KCNQ4: variants seen among roughly 807,000 people sequenced by gnomAD.
KCNQ4 encodes potassium voltage-gated channel subfamily Q member 4.
Under a neutral mutation model 72.6 loss-of-function variants are expected in KCNQ4, and 31 were observed. The ratio of observed to expected loss-of-function variants is 0.43; its 90% CI spans 0.32 to 0.58. KCNQ4 has a LOEUF of 0.58. KCNQ4 is among the 20% of genes least tolerant of loss of function. KCNQ4 has a pLI of 0.08. For missense variants in KCNQ4, 869 were observed against 962.6 expected, an observed-to-expected ratio of 0.90 and a Z score of 1.29; for synonymous variants, 405 against 403.7, an observed-to-expected ratio of 1.00 and a Z score of -0.04.
intron 10 of KCNQ4, 127 bp downstream of exon 10, chr1:40,831,431 C>A: frequency 1.4e-6 from 1 of 723,814 alleles, no homozygotes; most frequent in Non-Finnish European, 2.4e-6. Flanking sequence ...CGTCTTTGGG[C>A]TCTGGTCTTC....
At chr1:40,827,657 C>T (rs1414363359) in intron 9 of KCNQ4, among the ~76,000 whole-genome samples, 2 of 152,178 alleles carry the variant, frequency 1.3e-5, no homozygotes, top group Non-Finnish European at 2.9e-5. Flanking sequence ...AGTGGCAGGG[C>T]TCCTGGCTGC....
At chr1:40,792,280 C>G (rs1007398577) in intron 1 of KCNQ4, among the ~76,000 whole-genome samples, 3 of 152,196 alleles carry the variant, frequency 2.0e-5, no homozygotes, top group African/African-American at 7.2e-5. Flanking sequence ...TCGCTACTGC[C>G]CGTCTTGGCC....
At position 40,794,666 on chromosome 1, in the gene KCNQ4, C is replaced by T. The variant is rs1188389308; in HGVS notation, c.314+10259C>T. Among the ~76,000 whole-genome samples the T allele has an allele frequency of 6.6e-6, 1 of 152,182 alleles. No individual in the cohort carries two copies. Among genetic ancestry groups the T allele is most frequent in the African/African-American group, 2.4e-5 (1 of 41,432 alleles). ...AGCTAAATTTATTCCACTTAAAGGA[C>T]TGTCTTTTAGTATGAGATGATGTCC... On this transcript the variant is annotated intron_variant, in intron 1 of 13. Coordinates refer to ENST00000347132, the MANE Select transcript of KCNQ4 (RefSeq NM_004700.4). The surrounding 1 kb of genome is among the most constrained non-coding windows in gnomAD (Gnocchi z 4.2).
At chr1:40,810,898 G>A (rs1279305082) in intron 1 of KCNQ4, among the ~76,000 whole-genome samples, 1 of 152,222 alleles carries the variant, frequency 6.6e-6, no homozygotes, top group Admixed American at 6.5e-5. Context: ...TTGGGCTCAG[G>A]TCCTGCGCTT....
At chr1:40,801,126 A>AG (rs1196358863) in intron 1 of KCNQ4, among the ~76,000 whole-genome samples, 1 of 92,442 alleles carries the variant, frequency 1.1e-5, no homozygotes, top group Non-Finnish European at 2.2e-5. Flanking sequence ...AGTGGACTGG[A>AG]GGTGGGGATA....
At chr1:40,828,170 G>A (rs1648539454) in intron 9 of KCNQ4, among the ~76,000 whole-genome samples, 1 of 152,044 alleles carries the variant, frequency 6.6e-6, no homozygotes, top group Non-Finnish European at 1.5e-5. Flanking sequence ...AGATCATGAG[G>A]CCCTAAAGAA....
intron 4 of KCNQ4, 137 bp downstream of exon 4, chr1:40,818,817 A>C: frequency 1.0e-6 from 1 of 983,384 alleles, no homozygotes; most frequent in Non-Finnish European, 1.5e-6. Flanking sequence ...TTGGAGCCCT[A>C]GCAGGAGGCG....
At chr1:40,792,882 G>A (rs888433844) in intron 1 of KCNQ4, among the ~76,000 whole-genome samples, 1 of 152,136 alleles carries the variant, frequency 6.6e-6, no homozygotes, top group Admixed American at 6.5e-5. Flanking sequence ...TAGCTGACAG[G>A]TGGTAGAGGC....
At chr1:40,786,443 G>C (rs562591330) in intron 1 of KCNQ4, among the ~76,000 whole-genome samples, 7 of 152,170 alleles carry the variant, frequency 4.6e-5, no homozygotes, top group Non-Finnish European at 8.8e-5. Context: ...GCCCTTTCCT[G>C]ATGCCAGGAA....
intron 1 of KCNQ4, among the ~76,000 whole-genome samples, chr1:40,796,915 C>CAAAT (rs3070277): frequency 0.33 from 47,901 of 147,100 alleles, 7,968 homozygotes; most frequent in East Asian, 0.55. Flanking sequence ...GAGACTCCAT[C>CAAAT]AAATAAATAA....
intron 1 of KCNQ4, among the ~76,000 whole-genome samples, chr1:40,798,551 A>G (rs537499167): frequency 6.6e-6 from 1 of 152,340 alleles, no homozygotes; most frequent in East Asian, 1.9e-4. Context: ...GAGGCTCAGA[A>G]AGGAGAAGTG....
chr1:40,784,271 G>A lies in KCNQ4; in HGVS notation c.178G>A (p.Gly60Arg). 6.6e-7 allele frequency: 1 copy of A among 1,519,888 alleles called. No individual in the cohort carries two copies. Among genetic ancestry groups the A allele is most frequent in the South Asian group, 1.2e-5 (1 of 82,650 alleles). The allele number at this position is 1,519,888 out of a possible 1,614,324, so 94.2% of individuals were successfully genotyped here. Residue 60 changes from glycine (G) to arginine (R), a missense_variant, in exon 1 of 14, where the codon GGG becomes AGG. Physicochemically the swap from Gly to Arg is moderately radical, Grantham distance 125 (BLOSUM62 -2). Transcript: ENST00000347132. The surrounding 1 kb of genome is among the most constrained non-coding windows in gnomAD (Gnocchi z 4.1). ...CCTGCCGCCGGGCGCGCCCCTCCCT[G>A]GGCCGGGCTCCGGCTCGGGCTCCGC... ...SPLPPGAPLP[G>R]PGSGSGSACG...
rs11587901 is a variant in KCNQ4, at chr1:40,797,141, G to A, written c.314+12734G>A. On this transcript the variant is annotated intron_variant, in intron 1 of 13. Coordinates refer to ENST00000347132, the MANE Select transcript of KCNQ4 (RefSeq NM_004700.4). The stretch of plus-strand genomic sequence containing the variant: ...TCAGACCTTCCTCTGCTCCCTGGGG[G>A]AGATGGGCTGGGAAGCTGGCAGTTA... Among the ~76,000 whole-genome samples, 472 of 152,356 alleles carry A rather than the reference G, an allele frequency of 3.1e-3. 1 individual carries two copies. The highest frequency in any genetic ancestry group is 4.4e-3 in the Admixed American group (67 of 15,310).
At position 40,814,046 on chromosome 1, in the gene KCNQ4, C is replaced by CTTTTTTTT. The variant is rs35243800; in HGVS notation, c.315-3202_315-3195dup. Among the ~76,000 whole-genome samples, 67 of 52,704 alleles carry CTTTTTTTT rather than the reference C, an allele frequency of 1.3e-3. 8 individuals carry two copies. The highest frequency in any genetic ancestry group is 4.1e-3 in the East Asian group (8 of 1,940). The allele number at this position is 52,704 out of a possible 152,430, so 34.6% of individuals were successfully genotyped here. ...ACAGGCGTGAGCCACTGCGCCCGGC[C>CTTTTTTTT]TTTTTTTTTTTTTTTTTTTTTTTTG... On this transcript the variant is annotated intron_variant, in intron 1 of 13. Coordinates refer to ENST00000347132, the MANE Select transcript of KCNQ4 (RefSeq NM_004700.4).
intron 8 of KCNQ4, 51 bp from the exon 9 acceptor site, chr1:40,824,045 AG>A (rs1425051561): frequency 3.2e-6 from 5 of 1,542,066 alleles, no homozygotes; most frequent in African/African-American, 1.4e-5. Flanking sequence ...CCACTGGGTG[AG>A]GGGGGTGGTG....
intron 7 of KCNQ4, 102 bp from the exon 8 acceptor site, chr1:40,822,212 A>G: frequency 2.0e-6 from 2 of 986,104 alleles, no homozygotes; most frequent in South Asian, 1.3e-5. Flanking sequence ...GCTCTGGGTA[A>G]CCCACAACTG....
Position 40,839,852 on chromosome 1 carries a change from A to C in KCNQ4, c.*1329A>C, listed in dbSNP as rs1648924416. On this transcript the variant is annotated 3_prime_UTR_variant, in exon 14 of 14. Coordinates refer to ENST00000347132, the MANE Select transcript of KCNQ4 (RefSeq NM_004700.4). Reference sequence around the variant, plus strand: ...GAGAATAAGAATGCATGTAATAGCTATACCAACCGCGCATCCGGCTTTCAC... The same window carrying C: ...GAGAATAAGAATGCATGTAATAGCTCTACCAACCGCGCATCCGGCTTTCAC... The C allele has an allele frequency of 6.6e-6, 1 of 152,288 alleles. No individual in the cohort carries two copies. The highest frequency in any genetic ancestry group is 1.5e-5 in the Non-Finnish European group (1 of 68,084). 9.4% of individuals were successfully genotyped at this position (152,288 alleles called of 1,614,324 possible).
chr1:40,818,371 C>A, intron 3 of KCNQ4, 81 bp downstream of exon 3: 1 of 1,595,482 alleles, frequency 6.3e-7, no homozygotes, highest in Non-Finnish European at 8.5e-7. Context: ...CCGACTCTGA[C>A]CCTGGAGACC....
At chr1:40,790,789 G>C (rs949804619) in intron 1 of KCNQ4, among the ~76,000 whole-genome samples, 1 of 152,216 alleles carries the variant, frequency 6.6e-6, no homozygotes, top group African/African-American at 2.4e-5. Flanking sequence ...CTGGCAGAGT[G>C]GGGGATTGGG....
Sources: gnomAD v4.1 joint callset for allele counts (sites outside exome capture counted in the v4.1 genomes callset) on GRCh38, gnomAD v4.1.1 for gene constraint, Gnocchi (gnomAD v3.1) non-coding constraint, MANE v1.5 for transcripts, NCBI Gene and HGNC (gene_info 2026-07-23, HGNC 2026-07-21) for gene names.